Variants in SLC39A11 observed in about 807,000 individuals in gnomAD.
SLC39A11 encodes the protein solute carrier family 39 member 11, also known as zinc transporter ZIP11.
SLC39A11 carries 33 observed loss-of-function variants against 36.1 expected under a neutral mutation model. The ratio of observed to expected loss-of-function variants is 0.91; its 90% CI spans 0.69 to 1.22. SLC39A11 has a LOEUF of 1.22. Among genes scored for constraint, SLC39A11 ranks in the 50% most tolerant of loss-of-function variants. The probability of loss-of-function intolerance (pLI) is 0.00; values close to 1 mark genes in which losing one functional copy is unlikely to be tolerated. For synonymous variants in SLC39A11, 166 were observed against 170.3 expected, an observed-to-expected ratio of 0.97 and a Z score of 0.20; for missense variants, 432 against 430.3, an observed-to-expected ratio of 1.00 and a Z score of -0.03.
At chr17:72,719,690 C>T (rs543418475) in intron 7 of SLC39A11, among the ~76,000 whole-genome samples, 1 of 152,332 alleles carries the variant, frequency 6.6e-6, no homozygotes, top group East Asian at 1.9e-4. Context: ...CTGCCATTTT[C>T]AGAGAGCTTG....
Position 72,947,945 on chromosome 17 carries a change from C to G in SLC39A11, c.307-70G>C, listed in dbSNP as rs2085540209. ...TAATTCCCCAGATGCTTCTGGCTCA[C>G]GGGCGCCAAGGCAACTTGCCAGTCT... On this transcript the variant is annotated intron_variant, in intron 4 of 9. Transcript: ENST00000255559. The G allele has an allele frequency of 1.9e-6, 3 of 1,582,768 alleles. No individual in the cohort carries two copies. In the East Asian group the frequency reaches 6.7e-5, roughly 36 times the overall value.
chr17:72,764,635 G>A (rs28651172), intron 6 of SLC39A11, among the ~76,000 whole-genome samples: 15,053 of 152,092 alleles, frequency 0.099, 2,366 homozygotes, highest in African/African-American at 0.34. Flanking sequence ...GGCTGCACCC[G>A]GTGAGGGCTG....
At chr17:72,721,968 C>CAAAAAAAAAAAAA (rs11399362) in intron 7 of SLC39A11, among the ~76,000 whole-genome samples, 6 of 104,938 alleles carry the variant, frequency 5.7e-5, no homozygotes, top group African/African-American at 2.3e-4. Flanking sequence ...GCCTCCATCT[C>CAAAAAAAAAAAAA]AAAAAAAAAA....
intron 6 of SLC39A11, among the ~76,000 whole-genome samples, chr17:72,744,318 C>T (rs2074840054): frequency 6.6e-6 from 1 of 152,102 alleles, no homozygotes; most frequent in Non-Finnish European, 1.5e-5. Flanking sequence ...CATCCCTGGC[C>T]TCTACTCACT....
intron 4 of SLC39A11, among the ~76,000 whole-genome samples, chr17:72,967,111 G>A (rs2087044941): frequency 6.6e-6 from 1 of 152,120 alleles, no homozygotes; most frequent in African/African-American, 2.4e-5. Context: ...GGCTCCCACT[G>A]ATTGTCCATT....
chr17:72,968,768 C>A (rs973864839), intron 4 of SLC39A11, among the ~76,000 whole-genome samples: 1 of 152,224 alleles, frequency 6.6e-6, no homozygotes, highest in African/African-American at 2.4e-5. Flanking sequence ...AAGACACGAT[C>A]CTTCTCGGCC....
chr17:72,740,056 CT>C (rs386386565), intron 6 of SLC39A11, among the ~76,000 whole-genome samples: 4,306 of 81,216 alleles, frequency 0.053, 20 homozygotes, highest in African/African-American at 0.11. Context: ...CTTTCCTTTT[CT>C]TTTTTTTTTT....
At chr17:72,699,300 C>A (rs2072492340) in intron 7 of SLC39A11, among the ~76,000 whole-genome samples, 1 of 152,222 alleles carries the variant, frequency 6.6e-6, no homozygotes. Context: ...AAAGAAATCT[C>A]ATAATGTCTT....
chr17:72,851,276 G>A (rs1398032039), intron 5 of SLC39A11, among the ~76,000 whole-genome samples: 1 of 152,114 alleles, frequency 6.6e-6, no homozygotes, highest in Non-Finnish European at 1.5e-5. Flanking sequence ...TGGTCCCCTG[G>A]GCTATTTGTT....
At chr17:72,801,278 G>C (rs1693789183) in intron 6 of SLC39A11, among the ~76,000 whole-genome samples, 1 of 152,108 alleles carries the variant, frequency 6.6e-6, no homozygotes, top group South Asian at 2.1e-4. Context: ...TGGAGTGCAG[G>C]GCCACAATCT....
intron 4 of SLC39A11, among the ~76,000 whole-genome samples, chr17:73,030,146 T>C (rs755546241): frequency 2.0e-5 from 3 of 152,188 alleles, no homozygotes; most frequent in Non-Finnish European, 2.9e-5. Flanking sequence ...CCACGGCTGA[T>C]CTGACAGGAG....
rs187631643 is a variant in SLC39A11, at chr17:73,074,545, C to T, written c.147+10263G>A. Among the ~76,000 whole-genome samples, 60 of 152,294 alleles carry T rather than the reference C, an allele frequency of 3.9e-4. 1 individual carries two copies. Among genetic ancestry groups the T allele is most frequent in the Non-Finnish European group, 7.5e-4 (51 of 68,030 alleles). ...AACTCCTGGCCTCGTGATCCACCCA[C>T]CTCGGCTTCCCAAAGTGCCGGGATT... On this transcript the variant is annotated intron_variant, in intron 3 of 9. Coordinates refer to ENST00000255559, the MANE Select transcript of SLC39A11 (RefSeq NM_139177.4).
chr17:72,857,593 C>T (rs981590229), intron 5 of SLC39A11, among the ~76,000 whole-genome samples: 1 of 152,206 alleles, frequency 6.6e-6, no homozygotes, highest in African/African-American at 2.4e-5. Flanking sequence ...AACTAATTTA[C>T]ACTCCCACCA....
At chr17:72,845,786 C>T (rs1444329150) in intron 6 of SLC39A11, among the ~76,000 whole-genome samples, 1 of 152,180 alleles carries the variant, frequency 6.6e-6, no homozygotes, top group African/African-American at 2.4e-5. Flanking sequence ...TCAAACCTCT[C>T]CATCCAGTCA....
chr17:73,034,025 T>C (rs1446811891), intron 3 of SLC39A11, among the ~76,000 whole-genome samples: 2 of 152,156 alleles, frequency 1.3e-5, no homozygotes, highest in Non-Finnish European at 2.9e-5. Context: ...GGCTGATCCG[T>C]TCAACTCCAT....
At chr17:72,747,546 C>T (rs914901450) in intron 6 of SLC39A11, among the ~76,000 whole-genome samples, 6 of 152,174 alleles carry the variant, frequency 3.9e-5, no homozygotes, top group Non-Finnish European at 5.9e-5. Flanking sequence ...ACGGGAGCAA[C>T]GTCACGTAAC....
intron 5 of SLC39A11, among the ~76,000 whole-genome samples, chr17:72,904,063 C>A (rs76796541): frequency 0.012 from 1,868 of 152,328 alleles, 33 homozygotes; most frequent in African/African-American, 0.043. Flanking sequence ...GCTAGGGCCT[C>A]CTTCCTCAGT....
intron 4 of SLC39A11, among the ~76,000 whole-genome samples, chr17:72,990,868 G>A (rs1452243985): frequency 6.6e-6 from 1 of 152,200 alleles, no homozygotes; most frequent in African/African-American, 2.4e-5. Context: ...GACCATTACT[G>A]TTATACAAAG....
intron 4 of SLC39A11, among the ~76,000 whole-genome samples, chr17:72,979,733 A>G (rs2088155465): frequency 6.6e-6 from 1 of 152,168 alleles, no homozygotes; most frequent in Non-Finnish European, 1.5e-5. Flanking sequence ...CAGGACCCCA[A>G]AACAAATCTT....
Sources: allele counts gnomAD v4.1 joint callset (sites outside exome capture counted in the v4.1 genomes callset), GRCh38; gene constraint gnomAD v4.1.1; transcripts MANE v1.5; gene names NCBI Gene and HGNC (gene_info 2026-07-23, HGNC 2026-07-21).